The following SUZ12 variants were observed in gnomAD, a reference collection of about 807,000 sequenced individuals.
SUZ12 encodes polycomb protein SUZ12.
A neutral mutation model predicts 87.3 loss-of-function variants in SUZ12; 17 were observed. The observed-to-expected ratio is 0.19, with a 90% CI of 0.13 to 0.29. The LOEUF (loss-of-function observed/expected upper bound fraction) is 0.29. Among genes scored for constraint, SUZ12 ranks in the 10% least tolerant of loss-of-function variants. SUZ12 has a pLI of 1.00. For missense variants in SUZ12, 526 were observed against 912.2 expected (o/e 0.58, Z 5.45); for synonymous variants, 253 against 312.4 (o/e 0.81, Z 2.01).
At chr17:31,965,275 A>G (rs1175416156) in intron 4 of SUZ12, among the ~76,000 whole-genome samples, 2 of 152,170 alleles carry the variant, frequency 1.3e-5, no homozygotes, top group East Asian at 1.9e-4. Context: ...ATAGCCCTCC[A>G]TAATCTGGTG....
chr17:31,974,354 C>T lies in SUZ12; in HGVS notation c.591+1123C>T, dbSNP rs1295108105. On this transcript the variant is annotated intron_variant, in intron 6 of 15. Coordinates refer to ENST00000322652, the MANE Select transcript of SUZ12 (RefSeq NM_015355.4). ...TCGAGTGGCTAACACGGTGAAATCTCGTCTCTGCTAAAAATATAAAAAATT... is the reference window on the plus strand; with the variant it reads ...TCGAGTGGCTAACACGGTGAAATCTTGTCTCTGCTAAAAATATAAAAAATT... Among the ~76,000 whole-genome samples the T allele has an allele frequency of 5.3e-5, 8 of 152,274 alleles. No homozygotes were observed. The South Asian group carries it at 6.2e-4, about 12-fold the overall frequency.
intron 10 of SUZ12, among the ~76,000 whole-genome samples, chr17:31,988,757 T>A (rs1909545633): frequency 6.6e-6 from 1 of 151,866 alleles, no homozygotes; most frequent in South Asian, 2.1e-4. Context: ...CACACCTGGC[T>A]AATTTTTTGT....
rs547337882 is a variant in SUZ12 at position 31,973,954 on chromosome 17, C to T, written c.591+723C>T. ...GAAAGTTTATGTAAAGGCCGGTTGC[C>T]GTAGCTCACACCTATAATCCCAGCA... On this transcript the variant is annotated intron_variant, in intron 6 of 15. Coordinates refer to ENST00000322652, the MANE Select transcript of SUZ12 (RefSeq NM_015355.4). 9.2e-5 allele frequency among the ~76,000 whole-genome samples: 14 copies of T among 152,138 alleles called. No homozygotes were observed. In the South Asian group the frequency reaches 1.0e-3, roughly 11 times the overall value.
intron 10 of SUZ12, among the ~76,000 whole-genome samples, chr17:31,988,827 T>C (rs1000820917): frequency 6.6e-6 from 1 of 151,770 alleles, no homozygotes; most frequent in Non-Finnish European, 1.5e-5. Flanking sequence ...ATCTCAGCAT[T>C]TGGGAGACCG....
At chr17:31,952,149 C>G (rs1310445428) in intron 4 of SUZ12, among the ~76,000 whole-genome samples, 1 of 152,166 alleles carries the variant, frequency 6.6e-6, no homozygotes, top group Non-Finnish European at 1.5e-5. Flanking sequence ...CAGCCTCTAA[C>G]TCCTGGCCTC....
intron 5 of SUZ12, among the ~76,000 whole-genome samples, chr17:31,968,251 G>T (rs768889558): frequency 6.6e-6 from 1 of 151,644 alleles, no homozygotes; most frequent in African/African-American, 2.4e-5. Flanking sequence ...CTCTTTGGGG[G>T]TTGTTTGTTT....
At chr17:31,991,590 AT>A (rs1567837676) in intron 10 of SUZ12, among the ~76,000 whole-genome samples, 1 of 151,916 alleles carries the variant, frequency 6.6e-6, no homozygotes, top group Non-Finnish European at 1.5e-5. Context: ...ATTTGTCACT[AT>A]CTTTTTAGAT....
Position 31,994,709 on chromosome 17 carries a change from T to C in SUZ12, c.1583T>C (p.Ile528Thr). Reference sequence around the variant, plus strand: ...GTTAAGAGAACACCTATCACACATATTCTTGTGTGCAGGTAGGTAAAAAGG... The same window carrying C: ...GTTAAGAGAACACCTATCACACATACTCTTGTGTGCAGGTAGGTAAAAAGG... ...GPVKRTPITH[I>T]LVCRPKRTKA... The change falls in exon 13 of 16, where the codon ATT becomes ACT. Residue 528 changes from isoleucine to threonine, a missense_variant. By Grantham distance (89) the Ile-to-Thr change is moderately conservative. This residue lies in a region of SUZ12 where 143 missense variants were observed against 321.6 expected (regional missense o/e 0.44). Transcript: ENST00000322652. The C allele has an allele frequency of 6.2e-7, 1 of 1,613,724 alleles. No homozygotes were observed. The highest frequency in any genetic ancestry group is 8.5e-7 in the Non-Finnish European group (1 of 1,179,892).
chr17:31,981,298 A>G (rs1354848155), intron 8 of SUZ12, among the ~76,000 whole-genome samples: 1 of 152,222 alleles, frequency 6.6e-6, no homozygotes, highest in East Asian at 1.9e-4. Context: ...AAAAGAAACA[A>G]TAAGAAGTTT....
At chr17:31,953,430 C>T (rs1208335571) in intron 4 of SUZ12, among the ~76,000 whole-genome samples, 1 of 151,852 alleles carries the variant, frequency 6.6e-6, no homozygotes, top group Non-Finnish European at 1.5e-5. Context: ...TTTTTTGAGA[C>T]AAGGTCTCGC....
chr17:31,975,392 G>A (rs548957), intron 6 of SUZ12, 90 bp from the exon 7 acceptor site: 111,954 of 867,548 alleles, frequency 0.13, 8,128 homozygotes, highest in Middle Eastern at 0.2. Context: ...CCTATCTCCC[G>A]TGTTTCCTAT....
intron 15 of SUZ12, among the ~76,000 whole-genome samples, 163 bp downstream of exon 15, chr17:31,997,040 T>C (rs1471055316): frequency 6.6e-6 from 1 of 151,986 alleles, no homozygotes; most frequent in Non-Finnish European, 1.5e-5. Context: ...GTTTGGCAGG[T>C]TTTTTTTAGG....
At chr17:31,956,322 T>G (rs1277239480) in intron 4 of SUZ12, among the ~76,000 whole-genome samples, 2 of 151,634 alleles carry the variant, frequency 1.3e-5, no homozygotes, top group Non-Finnish European at 2.9e-5. Flanking sequence ...GCCTCTGGAG[T>G]AGCTGGGACT....
At chr17:31,957,401 G>A (rs946133747) in intron 4 of SUZ12, among the ~76,000 whole-genome samples, 1 of 151,422 alleles carries the variant, frequency 6.6e-6, no homozygotes, top group Non-Finnish European at 1.5e-5. Context: ...CACCATACCC[G>A]GATAATTTTT....
rs1906299110 is a variant in SUZ12 at position 31,941,715 on chromosome 17, AATTTTTTG to A, written c.386+1230_386+1237del. 2.0e-5 allele frequency among the ~76,000 whole-genome samples: 3 copies of A among 150,636 alleles called. No individual in the cohort carries two copies. The Admixed American group carries it at 2.0e-4, about 10-fold the overall frequency. On this transcript the variant is annotated intron_variant, in intron 3 of 15. Transcript: ENST00000322652. ...TAGGCGCGTGCCACCATGCTCGGCT[AATTTTTTG>A]TATTTTTGGTAGAGATGGGGTTTCT...
intron 10 of SUZ12, among the ~76,000 whole-genome samples, chr17:31,991,745 C>T (rs931990532): frequency 2.6e-5 from 4 of 151,910 alleles, no homozygotes; most frequent in African/African-American, 9.7e-5. Flanking sequence ...GCTGGGACTA[C>T]AGGTGTGTGC....
At chr17:31,973,948 G>A (rs1054066407) in intron 6 of SUZ12, among the ~76,000 whole-genome samples, 3 of 152,034 alleles carry the variant, frequency 2.0e-5, no homozygotes, top group Non-Finnish European at 4.4e-5. Flanking sequence ...TGTAAAGGCC[G>A]GTTGCCGTAG....
At chr17:31,974,874 C>A (rs893274521) in intron 6 of SUZ12, among the ~76,000 whole-genome samples, 4 of 152,056 alleles carry the variant, frequency 2.6e-5, no homozygotes, top group Non-Finnish European at 5.9e-5. Context: ...TGTAACTAAT[C>A]ATACAATAAC....
intron 5 of SUZ12, chr17:31,967,209 A>AT (rs1428421096): frequency 6.6e-6 from 1 of 152,216 alleles, no homozygotes; most frequent in African/African-American, 2.4e-5. Flanking sequence ...AAAAAAAAAA[A>AT]AAAAGGGAAA....
Sources: allele counts gnomAD v4.1 joint callset (sites outside exome capture counted in the v4.1 genomes callset), GRCh38; gene constraint gnomAD v4.1.1; regional missense constraint gnomAD v4.1.1; transcripts MANE v1.5; gene names NCBI Gene and HGNC (gene_info 2026-07-23, HGNC 2026-07-21).